The following RALYL variants were observed in gnomAD, a reference collection of about 807,000 sequenced individuals.
The protein encoded by RALYL is RNA-binding Raly-like protein.
Under a neutral mutation model 35.1 loss-of-function variants are expected in RALYL, and 29 were observed. The ratio of observed to expected loss-of-function variants is 0.83; its 90% CI spans 0.61 to 1.13. The LOEUF (loss-of-function observed/expected upper bound fraction) is 1.13. RALYL is among the 50% of genes most tolerant of loss of function. The pLI, the probability that RALYL is intolerant of heterozygous loss-of-function variation, is 0.00. For missense variants in RALYL, 359 were observed against 360.4 expected (o/e 1.00, Z 0.03); for synonymous variants, 120 against 127.6 (o/e 0.94, Z 0.40).
chr8:84,652,863 T>C (rs1016956957), intron 2 of RALYL, among the ~76,000 whole-genome samples: 1 of 152,118 alleles, frequency 6.6e-6, no homozygotes, highest in Non-Finnish European at 1.5e-5. Context: ...ATAAATTTTA[T>C]GGTCACTCTA....
chr8:84,809,485 T>G (rs1451923757), intron 4 of RALYL, among the ~76,000 whole-genome samples: 1 of 152,180 alleles, frequency 6.6e-6, no homozygotes, highest in Non-Finnish European at 1.5e-5. Flanking sequence ...ATTAGGGTGA[T>G]GCTGGCTGCA....
intron 2 of RALYL, among the ~76,000 whole-genome samples, chr8:84,709,143 G>T (rs182719873): frequency 3.4e-4 from 52 of 152,110 alleles, no homozygotes; most frequent in African/African-American, 1.2e-3. Context: ...TATTTCTGTG[G>T]GTTGCAATCT....
At chr8:84,858,962 T>C (rs565250869) in intron 5 of RALYL, among the ~76,000 whole-genome samples, 1 of 152,314 alleles carries the variant, frequency 6.6e-6, no homozygotes, top group East Asian at 1.9e-4. Context: ...TGTTAGCCCA[T>C]GTTACTGGTG....
At chr8:84,597,544 C>T (rs1396142788) in intron 2 of RALYL, among the ~76,000 whole-genome samples, 2 of 152,100 alleles carry the variant, frequency 1.3e-5, no homozygotes, top group Admixed American at 6.6e-5. Context: ...TCCTTCAAAT[C>T]CATGCTCCAT....
chr8:84,361,117 T>A (rs183134509), intron 1 of RALYL, among the ~76,000 whole-genome samples: 203 of 152,274 alleles, frequency 1.3e-3, no homozygotes, highest in African/African-American at 4.5e-3. Context: ...AATCTTAAAT[T>A]CCTATTATAT....
At chr8:84,328,157 A>C (rs915168753) in intron 1 of RALYL, among the ~76,000 whole-genome samples, 2 of 152,144 alleles carry the variant, frequency 1.3e-5, no homozygotes, top group Non-Finnish European at 2.9e-5. Context: ...TGTCAACACA[A>C]TAGGAAGTGC....
intron 8 of RALYL, among the ~76,000 whole-genome samples, chr8:84,899,929 AAAGTATGCCCAGAT>A (rs1292528545): frequency 1.3e-5 from 2 of 152,216 alleles, no homozygotes; most frequent in Non-Finnish European, 2.9e-5. Flanking sequence ...ATTCCAAACT[AAAGTATGCCCAGAT>A]AAGTAAGATA....
chr8:84,701,347 C>T (rs1377013811), intron 2 of RALYL, among the ~76,000 whole-genome samples: 6 of 152,238 alleles, frequency 3.9e-5, no homozygotes, highest in African/African-American at 1.4e-4. Flanking sequence ...TATCGGACAT[C>T]TGTAAATGAA....
rs1842967451 is a variant in RALYL at position 84,886,730 on chromosome 8, G to GT, written c.686-871dup. ...GTCAGCACAATTTCCATTTGAGCAGGTTTCTGTATATGGAATGCACAGATC... is the reference window on the plus strand; with the variant it reads ...GTCAGCACAATTTCCATTTGAGCAGGTTTTCTGTATATGGAATGCACAGATC... On this transcript the variant is annotated intron_variant, in intron 7 of 8. Coordinates refer to ENST00000521268, the MANE Select transcript of RALYL (RefSeq NM_173848.7). 3.3e-5 allele frequency among the ~76,000 whole-genome samples: 5 copies of GT among 152,302 alleles called. No homozygotes were observed. In the South Asian group the frequency reaches 1.0e-3, roughly 32 times the overall value.
intron 1 of RALYL, among the ~76,000 whole-genome samples, chr8:84,501,998 G>A (rs184303688): frequency 1.5e-3 from 226 of 151,646 alleles, no homozygotes; most frequent in African/African-American, 5.2e-3. Context: ...ATTGATTATT[G>A]TAAAGGTGTA....
Position 84,850,008 on chromosome 8 carries a change from A to G in RALYL, c.394A>G (p.Arg132Gly), listed in dbSNP as rs1586754815. 1.3e-6 allele frequency: 2 copies of G among 1,487,324 alleles called. No homozygotes were observed. Among genetic ancestry groups the G allele is most frequent in the Non-Finnish European group, 1.8e-6 (2 of 1,114,146 alleles). The allele number at this position is 1,487,324 out of a possible 1,614,324, so 92.1% of individuals were successfully genotyped here. ...GGYVFDYDYY[R>G]DDFYNRLFDY... Reference sequence around the variant, plus strand: ...TTATGTCTTTGACTATGATTACTACAGAGATGATTTCTACAATCGGTATGT... The same window carrying G: ...TTATGTCTTTGACTATGATTACTACGGAGATGATTTCTACAATCGGTATGT... The change falls in exon 5 of 9, where the codon AGA becomes GGA. Residue 132 changes from arginine to glycine, a missense_variant. Transcript: ENST00000521268.
rs1852557321 is a variant in RALYL at position 84,359,676 on chromosome 8, T to G, written c.-23-169623T>G. ...TAAATTAATGCTTTTAAAATCTGAA[T>G]TAACTCCTGCAGTAACAAGGCATGC... is the stretch of plus-strand genomic sequence containing the variant. On this transcript the variant is annotated intron_variant, in intron 1 of 8. Coordinates refer to ENST00000521268, the MANE Select transcript of RALYL (RefSeq NM_173848.7). Among the ~76,000 whole-genome samples the G allele has an allele frequency of 2.6e-5, 4 of 152,154 alleles. No homozygotes were observed. The South Asian group carries it at 6.2e-4, about 24-fold the overall frequency.
chr8:84,816,980 A>T (rs1422842133), intron 4 of RALYL, among the ~76,000 whole-genome samples: 1 of 152,206 alleles, frequency 6.6e-6, no homozygotes, highest in East Asian at 1.9e-4. Context: ...AAATATCAGA[A>T]TTATTTTATT....
At position 84,339,763 on chromosome 8, in the gene RALYL, G is replaced by A. The variant is rs557938270; in HGVS notation, c.-24+155339G>A. On this transcript the variant is annotated intron_variant, in intron 1 of 8. Transcript: ENST00000521268. ...TAGGGATGTGACAGAAAAATTTGCA[G>A]TAAGCTGAAATCGACCTATGCCTCT... Among the ~76,000 whole-genome samples, 3 of 152,098 alleles carry A rather than the reference G, an allele frequency of 2.0e-5. No homozygotes were observed. In the South Asian group the frequency reaches 6.2e-4, roughly 32 times the overall value.
Position 84,311,090 on chromosome 8 carries a change from A to AAAAAAAAAAAAAAT in RALYL, c.-24+126667_-24+126668insAAAAAAAAAAAATA, listed in dbSNP as rs1554614840. 8.0e-4 allele frequency among the ~76,000 whole-genome samples: 80 copies of AAAAAAAAAAAAAAT among 99,764 alleles called. 6 individuals are homozygous for AAAAAAAAAAAAAAT. Among genetic ancestry groups the AAAAAAAAAAAAAAT allele is most frequent in the Middle Eastern group, 5.5e-3 (1 of 182 alleles). 65.4% of individuals were successfully genotyped at this position (99,764 alleles called of 152,430 possible). A position where few individuals can be genotyped will look rare whatever the true frequency, so the allele number is the denominator to read the frequency against. On this transcript the variant is annotated intron_variant, in intron 1 of 8. Coordinates refer to ENST00000521268, the MANE Select transcript of RALYL (RefSeq NM_173848.7). ...AAAAAAAAAAAAAAAAAAAAAAAAA[A>AAAAAAAAAAAAAAT]ATGTATATTAATGTATAGTATAAAT...
At chr8:84,892,524 C>T (rs962857450) in intron 8 of RALYL, among the ~76,000 whole-genome samples, 12 of 151,416 alleles carry the variant, frequency 7.9e-5, no homozygotes, top group African/African-American at 2.2e-4. Context: ...GCAGGAGAAT[C>T]GCTTGAACCC....
chr8:84,710,552 T>G (rs1159502118), intron 2 of RALYL, among the ~76,000 whole-genome samples: 2 of 152,280 alleles, frequency 1.3e-5, no homozygotes, highest in South Asian at 4.2e-4. Flanking sequence ...TCTGCCTGCC[T>G]TGGCCTCCCA....
intron 2 of RALYL, among the ~76,000 whole-genome samples, chr8:84,534,290 C>G (rs577610395): frequency 2.0e-5 from 3 of 152,330 alleles, no homozygotes; most frequent in African/African-American, 7.2e-5. Flanking sequence ...CCCTACTTCC[C>G]CACTTAATCC....
intron 2 of RALYL, among the ~76,000 whole-genome samples, chr8:84,665,086 T>TA (rs1831722990): frequency 6.6e-6 from 1 of 152,162 alleles, no homozygotes; most frequent in Non-Finnish European, 1.5e-5. Context: ...GAGATAATCA[T>TA]GTTGTTTTTG....
Sources: allele counts gnomAD v4.1 joint callset (sites outside exome capture counted in the v4.1 genomes callset), GRCh38; gene constraint gnomAD v4.1.1; transcripts MANE v1.5; gene names NCBI Gene and HGNC (gene_info 2026-07-23, HGNC 2026-07-21).